Variants in ARHGEF7 observed in about 807,000 individuals in gnomAD.
ARHGEF7 encodes the protein Rho guanine nucleotide exchange factor 7.
ARHGEF7 carries 33 observed loss-of-function variants against 109.8 expected under a neutral mutation model. The observed-to-expected ratio is 0.30, with a 90% CI of 0.23 to 0.40. ARHGEF7 has a LOEUF of 0.40. Among genes scored for constraint, ARHGEF7 ranks in the 10% least tolerant of loss-of-function variants. ARHGEF7 has a pLI of 1.00. For synonymous variants in ARHGEF7, 458 were observed against 424.6 expected (o/e 1.08, Z -0.97); for missense variants, 938 against 1,098.5 (o/e 0.85, Z 2.07).
At position 111,273,760 on chromosome 13, in the gene ARHGEF7, A is replaced by G; in HGVS notation, c.1074-54A>G. 1 of 1,604,554 alleles carries G rather than the reference A, an allele frequency of 6.2e-7. No homozygotes were observed. Among genetic ancestry groups the G allele is most frequent in the Non-Finnish European group, 8.5e-7 (1 of 1,172,044 alleles). On this transcript the variant is annotated intron_variant, in intron 9 of 21. Coordinates refer to ENST00000646102, the MANE Select transcript of ARHGEF7 (RefSeq NM_001354046.2). The surrounding 1 kb of genome is among the most constrained non-coding windows in gnomAD (Gnocchi z 4.5). ...TGTTGCTCATGGAGATGAGAGAGCC[A>G]CCATTGTCTCTCATTGCTAACCACG...
At chr13:111,277,005 C>A (rs1335756703) in intron 12 of ARHGEF7, among the ~76,000 whole-genome samples, 1 of 152,038 alleles carries the variant, frequency 6.6e-6, no homozygotes, top group Non-Finnish European at 1.5e-5. Context: ...CTGATGTAAA[C>A]CAGGTGATGT....
At chr13:111,288,103 A>G (rs2093104287) in intron 17 of ARHGEF7, among the ~76,000 whole-genome samples, 1 of 152,142 alleles carries the variant, frequency 6.6e-6, no homozygotes, top group Non-Finnish European at 1.5e-5. Flanking sequence ...GGTTGGTAGG[A>G]TAATCATTAT....
rs1567110700 is a variant in ARHGEF7, at chr13:111,292,268, A to G, written c.2285A>G (p.His762Arg). 6.2e-7 allele frequency: 1 copy of G among 1,614,234 alleles called. No individual in the cohort carries two copies. The highest frequency in any genetic ancestry group is 1.7e-5 in the Admixed American group (1 of 60,024). Residue 762 changes from histidine (H) to arginine (R), a missense_variant, in exon 19 of 22, where the codon CAT becomes CGT. His to Arg is a conservative substitution (Grantham distance 29, BLOSUM62 0). Transcript: ENST00000646102. ...GACTATGACAGTATATGGACAGCCC[A>G]TAGTTACAGAATGGGTTCTACATCT... is the stretch of plus-strand genomic sequence containing the variant. ...DSDYDSIWTA[H>R]SYRMGSTSRS...
At chr13:111,295,231 A>G in intron 19 of ARHGEF7, 1 of 983,464 alleles carries the variant, frequency 1.0e-6, no homozygotes. Flanking sequence ...GGGGAGGGGA[A>G]TAGCATAGTT....
intron 2 of ARHGEF7, among the ~76,000 whole-genome samples, chr13:111,199,995 C>T (rs1378443076): frequency 6.6e-6 from 1 of 152,238 alleles, no homozygotes; most frequent in Admixed American, 6.5e-5. Flanking sequence ...ACAGTTGTCA[C>T]CCACTCTGTG....
chr13:111,139,284 T>A (rs939842947), intron 1 of ARHGEF7, among the ~76,000 whole-genome samples: 1 of 152,126 alleles, frequency 6.6e-6, no homozygotes, highest in African/African-American at 2.4e-5. Flanking sequence ...GCAGACAGTG[T>A]GGGAACGACA....
At chr13:111,154,020 AG>A (rs1393116080) in intron 2 of ARHGEF7, 29 bp downstream of exon 2, 3 of 1,582,900 alleles carry the variant, frequency 1.9e-6, no homozygotes, top group East Asian at 2.4e-5. Context: ...GGGCCGAGGG[AG>A]GGGCCGGGAA....
chr13:111,229,625 T>C (rs929450296), intron 5 of ARHGEF7, among the ~76,000 whole-genome samples: 1 of 152,202 alleles, frequency 6.6e-6, no homozygotes, highest in African/African-American at 2.4e-5. Flanking sequence ...CACACCCTCC[T>C]GGTAGCTCAG....
At position 111,115,659 on chromosome 13, in the gene ARHGEF7, C is replaced by A; in HGVS notation, c.133C>A (p.Leu45Met). The change falls in exon 1 of 22, where the codon CTG becomes ATG. Residue 45 changes from leucine (L) to methionine (M), a missense_variant. Leu to Met is a conservative substitution (Grantham distance 15). Transcript: ENST00000646102. ...GGATGGGGTGGTCCTCTGCAGGCTG[C>A]TGGAGCGCCTGCTCCCCGGGACCAT... The part of the protein sequence containing the change: ...LKDGVVLCRL[L>M]ERLLPGTIEK... 7.5e-7 allele frequency: 1 copy of A among 1,326,392 alleles called. No homozygotes were observed. The highest frequency in any genetic ancestry group is 9.7e-7 in the Non-Finnish European group (1 of 1,029,758). The allele number at this position is 1,326,392 out of a possible 1,614,324, so 82.2% of individuals were successfully genotyped here.
At chr13:111,144,635 T>C (rs184280123) in intron 1 of ARHGEF7, 4 of 152,348 alleles carry the variant, frequency 2.6e-5, no homozygotes, top group African/African-American at 9.6e-5. Context: ...AGATGAACCA[T>C]TGAATGCTAA....
intron 2 of ARHGEF7, among the ~76,000 whole-genome samples, chr13:111,173,633 G>A (rs959589103): frequency 3.3e-5 from 5 of 152,236 alleles, no homozygotes; most frequent in African/African-American, 1.2e-4. Context: ...TGGCAATTTG[G>A]AAAGCACATT....
chr13:111,157,001 G>A (rs1477339449), intron 2 of ARHGEF7, among the ~76,000 whole-genome samples: 1 of 152,160 alleles, frequency 6.6e-6, no homozygotes, highest in African/African-American at 2.4e-5. Flanking sequence ...AAGGGAAAAA[G>A]GAAGTAAACT....
chr13:111,281,181 C>CTTTTTTTTTTTTTTTTTTTTTTTTTT (rs11403258), intron 15 of ARHGEF7: 3 of 59,422 alleles, frequency 5.0e-5, no homozygotes, highest in Non-Finnish European at 6.1e-5. Flanking sequence ...TATTTAGAGA[C>CTTTTTTTTTTTTTTTTTTTTTTTTTT]TTTTTTTTTT....
At chr13:111,173,465 C>T (rs180842637) in intron 2 of ARHGEF7, among the ~76,000 whole-genome samples, 1 of 152,336 alleles carries the variant, frequency 6.6e-6, no homozygotes, top group East Asian at 1.9e-4. Context: ...GGATGCTCCA[C>T]CTTCGTACCT....
chr13:111,300,672 G>A (rs2093544531), intron 19 of ARHGEF7, 76 bp from the exon 20 acceptor site: 1 of 952,942 alleles, frequency 1.0e-6, no homozygotes, highest in African/African-American at 1.7e-5. Flanking sequence ...AAGTGACATG[G>A]TATAGTCAAG....
intron 15 of ARHGEF7, 191 bp downstream of exon 15, chr13:111,280,868 C>G: frequency 1.6e-6 from 1 of 613,888 alleles, no homozygotes. Flanking sequence ...AATGAGTGTT[C>G]TCGAGAAACA....
At position 111,244,289 on chromosome 13, in the gene ARHGEF7, C is replaced by T; in HGVS notation, c.945C>T (p.Cys315=). 1.3e-6 allele frequency: 2 copies of T among 1,584,860 alleles called. No individual in the cohort carries two copies. Among genetic ancestry groups the T allele is most frequent in the Non-Finnish European group, 8.6e-7 (1 of 1,164,686 alleles). The change falls in exon 8 of 22, where the codon TGC becomes TGT. Residue 315 remains cysteine, a synonymous_variant. Transcript: ENST00000646102. ...QQMLVQSLEE[C]TKLPEAQQRV... The stretch of plus-strand genomic sequence containing the variant: ...TGCTCGTACAGTCTTTAGAAGAATG[C>T]ACCAAGTAAGTAAGATGCTAAAAAT...
chr13:111,158,693 T>G (rs528736356), intron 2 of ARHGEF7, among the ~76,000 whole-genome samples: 6 of 152,350 alleles, frequency 3.9e-5, no homozygotes, highest in South Asian at 4.1e-4. Context: ...CACATAAAGC[T>G]TGCCTCATAT....
At chr13:111,221,728 G>A (rs1304210830) in intron 5 of ARHGEF7, among the ~76,000 whole-genome samples, 1 of 145,516 alleles carries the variant, frequency 6.9e-6, no homozygotes, top group Non-Finnish European at 1.5e-5. Context: ...TATATATACA[G>A]CTAATAGGAG....
Sources: allele counts gnomAD v4.1 joint callset (sites outside exome capture counted in the v4.1 genomes callset), GRCh38; gene constraint gnomAD v4.1.1; non-coding constraint Gnocchi (gnomAD v3.1); transcripts MANE v1.5; gene names NCBI Gene and HGNC (gene_info 2026-07-23, HGNC 2026-07-21).